Variants in OGT observed in about 807,000 individuals in gnomAD.
OGT encodes the protein O-linked N-acetylglucosamine (GlcNAc) transferase, also known as UDP-N-acetylglucosamine--peptide N-acetylglucosaminyltransferase 110 kDa subunit.
Under a neutral mutation model 75.8 loss-of-function variants are expected in OGT, and 3 were observed. That is an observed-to-expected ratio of 0.04 (90% CI 0.02 to 0.10). The LOEUF is 0.10. Ranked by LOEUF, OGT falls within the 10% of genes least tolerant of loss-of-function variation. The pLI is 1.00. For missense variants in OGT, 260 were observed against 824.4 expected, an observed-to-expected ratio of 0.32 and a Z score of 8.38; for synonymous variants, 257 against 289.7, an observed-to-expected ratio of 0.89 and a Z score of 1.15.
intron 21 of OGT, among the ~76,000 whole-genome samples, chrX:71,572,934 ACTT>A (rs938500766): frequency 2.7e-5 from 3 of 111,820 alleles, no homozygotes; most frequent in Non-Finnish European, 3.8e-5. Context: ...AGAATCAATT[ACTT>A]CTTTTTTATT....
chrX:71,555,132 T>G, intron 6 of OGT, 58 bp from the exon 7 acceptor site: 5 of 691,241 alleles, frequency 7.2e-6, no homozygotes, highest in African/African-American at 3.5e-5. Context: ...ATGAGTTACA[T>G]TTTGTGTGTG....
Position 71,547,921 on chromosome X carries a change from A to G in OGT, c.546A>G (p.Lys182=). ...CCCCTCCTAAGGCATGTTATTTGAA[A>G]GCAATTGAGACGCAACCGAACTTTG... The part of the protein sequence containing the change: ...RLEEAKACYL[K]AIETQPNFAV... Residue 182 remains lysine, a synonymous_variant, in exon 5 of 22, where the codon AAA becomes AAG. Transcript: ENST00000373719. 1.7e-6 allele frequency: 2 copies of G among 1,208,673 alleles called. No individual in the cohort carries two copies. Among genetic ancestry groups the G allele is most frequent in the Non-Finnish European group, 2.2e-6 (2 of 894,335 alleles).
At chrX:71,543,924 T>C (rs2040241979) in intron 3 of OGT, among the ~76,000 whole-genome samples, 1 of 108,917 alleles carries the variant, frequency 9.2e-6, no homozygotes, top group Admixed American at 9.9e-5. Flanking sequence ...ATAGCTGGGA[T>C]TACAGGCACA....
chrX:71,562,714 T>C, intron 15 of OGT, 133 bp from the exon 16 acceptor site: 1 of 579,114 alleles, frequency 1.7e-6, no homozygotes, highest in Non-Finnish European at 2.5e-6. Context: ...AGGTTCTTTT[T>C]TTAAAAACCA....
intron 4 of OGT, chrX:71,545,504 A>G (rs772710192): frequency 9.8e-5 from 11 of 112,696 alleles, no homozygotes; most frequent in Non-Finnish European, 1.3e-4. Context: ...ACCTTACGCA[A>G]CCGCGCTGCA....
intron 21 of OGT, among the ~76,000 whole-genome samples, chrX:71,573,308 CAT>C (rs1456049348): frequency 4.5e-5 from 5 of 112,160 alleles, no homozygotes; most frequent in Non-Finnish European, 9.4e-5. Context: ...TAGGAATAGT[CAT>C]GTGCCGTTGT....
Position 71,557,483 on chromosome X carries a change from CT to C in OGT, c.1423-7del, listed in dbSNP as rs778009741. 1.1e-5 allele frequency: 13 copies of C among 1,197,799 alleles called. No homozygotes were observed. In the South Asian group the frequency reaches 2.2e-4, roughly 20 times the overall value. Reference sequence around the variant, plus strand: ...CTTTCTGGATAATAACTTGTTTTTGCTTTCTCTAGATTGTCTGTGATTGGAC... The same window carrying C: ...CTTTCTGGATAATAACTTGTTTTTGCTTCTCTAGATTGTCTGTGATTGGAC... On this transcript the variant is annotated splice_polypyrimidine_tract_variant and intron_variant, in intron 11 of 21. Transcript: ENST00000373719.
At chrX:71,546,244 A>G (rs1389191445) in intron 4 of OGT, 4 of 751,820 alleles carry the variant, frequency 5.3e-6, no homozygotes, top group South Asian at 6.8e-5. Context: ...TATGTAATAG[A>G]CATCCAAAGA....
At position 71,561,677 on chromosome X, in the gene OGT, TTAAATGCCATTAAAAC is replaced by T. The variant is rs988592169; in HGVS notation, c.1852-75_1852-60del. ...TTTCCATCTGGGAATCTGAATTATG[TTAAATGCCATTAAAAC>T]TAAATGCCATTAAAACTAAATGTCA... On this transcript the variant is annotated intron_variant, in intron 14 of 21. Coordinates refer to ENST00000373719, the MANE Select transcript of OGT (RefSeq NM_181672.3). 27 of 662,061 alleles carry T rather than the reference TTAAATGCCATTAAAAC, an allele frequency of 4.1e-5. No individual in the cohort carries two copies. In the South Asian group the frequency reaches 6.1e-4, roughly 15 times the overall value. 54.6% of individuals were successfully genotyped at this position (662,061 alleles called of 1,213,427 possible). A position where few individuals can be genotyped will look rare whatever the true frequency, so the allele number is the denominator to read the frequency against.
intron 18 of OGT, among the ~76,000 whole-genome samples, chrX:71,563,834 C>T (rs892990331): frequency 8.9e-6 from 1 of 111,971 alleles, no homozygotes; most frequent in East Asian, 2.8e-4. Flanking sequence ...CCTACTCAAA[C>T]GTTCAGTTCA....
At chrX:71,553,096 C>A (rs1487111983) in intron 5 of OGT, among the ~76,000 whole-genome samples, 2 of 111,527 alleles carry the variant, frequency 1.8e-5, no homozygotes, top group South Asian at 7.5e-4. Context: ...AGTGTTCTTT[C>A]TTTATTTTTT....
Position 71,533,219 on chromosome X carries a change from C to G in OGT, c.-81C>G. 1.0e-6 allele frequency: 1 copy of G among 994,245 alleles called. No homozygotes were observed. Among genetic ancestry groups the G allele is most frequent in the Non-Finnish European group, 1.4e-6 (1 of 714,649 alleles). 81.9% of individuals were successfully genotyped at this position (994,245 alleles called of 1,213,427 possible). On this transcript the variant is annotated 5_prime_UTR_variant, in exon 1 of 22. Coordinates refer to ENST00000373719, the MANE Select transcript of OGT (RefSeq NM_181672.3). ...TGCTACGGCTGCTGCCCTTGTACTA[C>G]TACCTCCAAATACGTTCTTGCTGGT... is the stretch of plus-strand genomic sequence containing the variant.
chrX:71,548,376 G>T (rs779353348), intron 5 of OGT, among the ~76,000 whole-genome samples: 7 of 111,395 alleles, frequency 6.3e-5, no homozygotes, highest in African/African-American at 9.8e-5. Context: ...GTTTGAGGCT[G>T]CAGTGAGCTG....
At position 71,567,536 on chromosome X, in the gene OGT, T is replaced by C. The variant is rs2040424331; in HGVS notation, c.2626T>C (p.Leu876=). 2.5e-6 allele frequency: 3 copies of C among 1,182,949 alleles called. No homozygotes were observed. The South Asian group carries it at 5.7e-5, about 22-fold the overall frequency. The part of the protein sequence containing the change: ...KRVPNSVLWL[L]RFPAVGEPNI... ...TGTTCCCAATAGTGTACTCTGGCTGTTGCGTTTTCCAGCAGTAGGAGAACC... is the reference window on the plus strand; with the variant it reads ...TGTTCCCAATAGTGTACTCTGGCTGCTGCGTTTTCCAGCAGTAGGAGAACC... Residue 876 remains leucine (L), a synonymous_variant, in exon 20 of 22, where the codon TTG becomes CTG. Coordinates refer to ENST00000373719, the MANE Select transcript of OGT (RefSeq NM_181672.3).
intron 4 of OGT, 39 bp downstream of exon 4, chrX:71,544,674 T>C (rs2040246937): frequency 9.2e-7 from 1 of 1,091,463 alleles, no homozygotes; most frequent in South Asian, 1.9e-5. Context: ...ATCAGTATTA[T>C]GAAAACTTGT....
At chrX:71,561,584 G>T (rs182239831) in intron 14 of OGT, among the ~76,000 whole-genome samples, 191 bp from the exon 15 acceptor site, 2 of 111,127 alleles carry the variant, frequency 1.8e-5, no homozygotes, top group Non-Finnish European at 3.8e-5. Context: ...AATGCTTTGG[G>T]CCCATTTTAA....
chrX:71,550,590 C>G (rs761141527), intron 5 of OGT, among the ~76,000 whole-genome samples: 1 of 111,330 alleles, frequency 9.0e-6, no homozygotes, highest in African/African-American at 3.3e-5. Flanking sequence ...GATCCTTTGC[C>G]CGTATTTTAA....
intron 19 of OGT, 112 bp from the exon 20 acceptor site, chrX:71,567,388 T>A: frequency 5.0e-6 from 3 of 603,937 alleles, no homozygotes; most frequent in Non-Finnish European, 7.3e-6. Context: ...ACAGCAGGCT[T>A]CTATCTGGAT....
chrX:71,551,227 A>G (rs775741259), intron 5 of OGT, among the ~76,000 whole-genome samples: 7 of 112,712 alleles, frequency 6.2e-5, no homozygotes, highest in Non-Finnish European at 1.3e-4. Context: ...CCTCTCCTGT[A>G]TGAACTAGAC....
Sources: gnomAD v4.1 joint callset for allele counts (sites outside exome capture counted in the v4.1 genomes callset) on GRCh38, gnomAD v4.1.1 for gene constraint, MANE v1.5 for transcripts, NCBI Gene and HGNC (gene_info 2026-07-23, HGNC 2026-07-21) for gene names.